ARID1B: variants seen among roughly 807,000 people sequenced by gnomAD.
ARID1B encodes AT-rich interaction domain 1B.
Under a neutral mutation model 212.3 loss-of-function variants are expected in ARID1B, and 30 were observed. The observed-to-expected ratio is 0.14, with a 90% CI of 0.11 to 0.19. The LOEUF (loss-of-function observed/expected upper bound fraction) is 0.19. ARID1B is among the 10% of genes least tolerant of loss of function. ARID1B has a pLI of 1.00. For missense variants in ARID1B, 2,891 were observed against 3,204.0 expected (o/e 0.90, Z 2.36); for synonymous variants, 1,402 against 1,301.7 (o/e 1.08, Z -1.66).
Position 156,777,704 on chromosome 6 carries a change from G to T in ARID1B, c.24G>T (p.Ala8=). ...TCATGGCCGCGCGGGCAGCAGCGGC[G>T]GCGGCGGCGGCGGCGGCGCGGGCGC... is the stretch of plus-strand genomic sequence containing the variant. MAARAAA[A]AAAAAARARA... is the part of the protein sequence containing the mutation. Residue 8 remains alanine, a synonymous_variant, in exon 1 of 20, where the codon GCG becomes GCT. Transcript: ENST00000636930. 6.7e-6 allele frequency: 1 copy of T among 148,824 alleles called. No individual in the cohort carries two copies. The highest frequency in any genetic ancestry group is 2.0e-4 in the South Asian group (1 of 4,940). The allele number at this position is 148,824 out of a possible 1,614,324, so 9.2% of individuals were successfully genotyped here.
At chr6:157,048,767 T>C (rs1194295036) in intron 4 of ARID1B, among the ~76,000 whole-genome samples, 3 of 152,194 alleles carry the variant, frequency 2.0e-5, no homozygotes, top group Admixed American at 2.0e-4. Context: ...TACGATGGAA[T>C]CACTAAGCAG....
rs772100618 is a variant in ARID1B, at chr6:157,084,920, G to C, written c.2491+15G>C. On this transcript the variant is annotated intron_variant, in intron 5 of 19. Coordinates refer to ENST00000636930, the MANE Select transcript of ARID1B (RefSeq NM_001374828.1). Reference sequence around the variant, plus strand: ...AAGTATCCCAGGTATTTACTTTCCTGACAATTATTATTTTACTTTGTGATA... The same window carrying C: ...AAGTATCCCAGGTATTTACTTTCCTCACAATTATTATTTTACTTTGTGATA... 3.1e-6 allele frequency: 5 copies of C among 1,590,176 alleles called. No homozygotes were observed. Among genetic ancestry groups the C allele is most frequent in the Admixed American group, 3.6e-5 (2 of 55,752 alleles).
At chr6:157,162,576 G>A (rs758224317) in intron 8 of ARID1B, among the ~76,000 whole-genome samples, 5 of 152,196 alleles carry the variant, frequency 3.3e-5, no homozygotes, top group Non-Finnish European at 7.3e-5. Flanking sequence ...TATTCTCCCT[G>A]TAATAACCTG....
At chr6:157,167,526 G>A (rs1285956335) in intron 9 of ARID1B, 7 of 181,406 alleles carry the variant, frequency 3.9e-5, no homozygotes, top group Non-Finnish European at 4.6e-5. Context: ...TGGTAGTGGT[G>A]GAGACAAACA....
chr6:157,009,850 G>A (rs1442393521), intron 4 of ARID1B, among the ~76,000 whole-genome samples: 2 of 152,218 alleles, frequency 1.3e-5, no homozygotes, highest in African/African-American at 4.8e-5. Flanking sequence ...AATCCCTGTA[G>A]GGCCAGGATT....
In ARID1B at chr6:157,203,577, A is replaced by T. The variant is rs951150440; in HGVS notation, c.5264-289A>T. The T allele has an allele frequency of 8.2e-6, 3 of 364,930 alleles. No homozygotes were observed. Among genetic ancestry groups the T allele is most frequent in the African/African-American group, 4.1e-5 (2 of 48,612 alleles). The allele number at this position is 364,930 out of a possible 1,614,324, so 22.6% of individuals were successfully genotyped here. A position where few individuals can be genotyped will look rare whatever the true frequency, so the allele number is the denominator to read the frequency against. On this transcript the variant is annotated intron_variant, in intron 18 of 19. Transcript: ENST00000636930. The surrounding 1 kb of genome is among the most constrained non-coding windows in gnomAD (Gnocchi z 4.4). The stretch of plus-strand genomic sequence containing the variant: ...CTCTGTAGGGTGGCTGAAAGAAATA[A>T]CCCGGCCATGAGAAAGGACCATCTG...
intron 1 of ARID1B, among the ~76,000 whole-genome samples, chr6:156,813,800 T>C (rs1416891781): frequency 6.6e-6 from 1 of 152,204 alleles, no homozygotes; most frequent in Non-Finnish European, 1.5e-5. Flanking sequence ...TTGCAGACAT[T>C]ACCTTATCAA....
intron 1 of ARID1B, among the ~76,000 whole-genome samples, chr6:156,814,790 G>A (rs1781847498): frequency 6.6e-6 from 1 of 152,146 alleles, no homozygotes; most frequent in African/African-American, 2.4e-5. Context: ...TGTAGGCAAT[G>A]CCGTCTCACT....
At chr6:156,957,304 A>G (rs1794041241) in intron 4 of ARID1B, among the ~76,000 whole-genome samples, 1 of 152,196 alleles carries the variant, frequency 6.6e-6, no homozygotes, top group African/African-American at 2.4e-5. Context: ...TATTGGAAAC[A>G]GTTATCACAG....
intron 2 of ARID1B, among the ~76,000 whole-genome samples, chr6:156,839,445 G>A (rs1783739619): frequency 6.6e-6 from 1 of 152,142 alleles, no homozygotes; most frequent in African/African-American, 2.4e-5. Flanking sequence ...GTCAACATAT[G>A]AATTTGGAGA....
At chr6:156,792,790 C>A (rs1417552409) in intron 1 of ARID1B, among the ~76,000 whole-genome samples, 1 of 152,166 alleles carries the variant, frequency 6.6e-6, no homozygotes, top group Non-Finnish European at 1.5e-5. Context: ...GCATCCGTTA[C>A]AGGCGCTGTG....
At chr6:156,788,233 A>G (rs775388527) in intron 1 of ARID1B, among the ~76,000 whole-genome samples, 1 of 152,122 alleles carries the variant, frequency 6.6e-6, no homozygotes, top group Non-Finnish European at 1.5e-5. Context: ...TAGATCCCAG[A>G]CATATTCTGT....
intron 1 of ARID1B, among the ~76,000 whole-genome samples, chr6:156,792,794 C>T (rs901944532): frequency 2.0e-5 from 3 of 152,260 alleles, no homozygotes; most frequent in Non-Finnish European, 4.4e-5. Context: ...CCGTTACAGG[C>T]GCTGTGGGAG....
At chr6:156,842,216 TCCA>T (rs1783948715) in intron 2 of ARID1B, among the ~76,000 whole-genome samples, 1 of 152,190 alleles carries the variant, frequency 6.6e-6, no homozygotes, top group Non-Finnish European at 1.5e-5. Context: ...TCTGTCTAGT[TCCA>T]ACATTTTCAC....
rs181926643 is a variant in ARID1B, at chr6:156,863,499, A to G, written c.1986+34078A>G. Among the ~76,000 whole-genome samples, 141 of 152,196 alleles carry G rather than the reference A, an allele frequency of 9.3e-4. 3 individuals are homozygous for G. Among genetic ancestry groups the G allele is most frequent in the African/African-American group, 3.3e-3 (137 of 41,522 alleles). On this transcript the variant is annotated intron_variant, in intron 2 of 19. Coordinates refer to ENST00000636930, the MANE Select transcript of ARID1B (RefSeq NM_001374828.1). ...TGATGATAAGTTTGGTTTTGGATAT[A>G]CTGATTTTGAAATGATTGTATTGGT...
At position 157,198,888 on chromosome 6, in the gene ARID1B, G is replaced by T. The variant is rs2128366567; in HGVS notation, c.4460G>T (p.Gly1487Val). The stretch of plus-strand genomic sequence containing the variant: ...CCGCCGTATGGAGGGCACCAGCCCG[G>T]CCTGTACCCACAGCAGCCGGTGAGT... ...GQPPYGGHQP[G>V]LYPQQPNYKR... Residue 1487 changes from glycine to valine, a missense_variant, in exon 17 of 20, where the codon GGC (glycine) becomes GTC (valine). Gly to Val is a moderately radical substitution (Grantham distance 109). Transcript: ENST00000636930. 6.2e-7 allele frequency: 1 copy of T among 1,605,788 alleles called. No individual in the cohort carries two copies. The highest frequency in any genetic ancestry group is 8.5e-7 in the Non-Finnish European group (1 of 1,176,046).
chr6:157,039,915 CTTCT>C (rs1258453889), intron 4 of ARID1B, among the ~76,000 whole-genome samples: 26 of 133,676 alleles, frequency 1.9e-4, no homozygotes, highest in African/African-American at 5.8e-4. Context: ...TCCTTCCTTC[CTTCT>C]TTCTTTTCTT....
chr6:156,999,784 C>T (rs1006091503), intron 4 of ARID1B, among the ~76,000 whole-genome samples: 1 of 152,192 alleles, frequency 6.6e-6, no homozygotes, highest in African/African-American at 2.4e-5. Flanking sequence ...TTCCACTGTT[C>T]GGCTTCCCAA....
rs1393435478 is a variant in ARID1B at position 157,043,995 on chromosome 6, C to T, written c.2248-40667C>T. On this transcript the variant is annotated intron_variant, in intron 4 of 19. Coordinates refer to ENST00000636930, the MANE Select transcript of ARID1B (RefSeq NM_001374828.1). ...TGTTATTTGTCAAGTACCAGGGATG[C>T]AGTGGTAAGAATAATAAGTCCTTGC... 2.0e-5 allele frequency among the ~76,000 whole-genome samples: 3 copies of T among 152,166 alleles called. No individual in the cohort carries two copies. In the East Asian group the frequency reaches 5.8e-4, roughly 29 times the overall value.
Sources: allele counts gnomAD v4.1 joint callset (sites outside exome capture counted in the v4.1 genomes callset), GRCh38; gene constraint gnomAD v4.1.1; non-coding constraint Gnocchi (gnomAD v3.1); transcripts MANE v1.5; gene names NCBI Gene and HGNC (gene_info 2026-07-23, HGNC 2026-07-21).